Variants in CD320 observed in about 807,000 individuals in gnomAD.
CD320 encodes the protein CD320 molecule.
In CD320, 16 loss-of-function variants were observed where a neutral mutation model predicts 22.1. The observed-to-expected ratio is 0.73, with a 90% confidence interval of 0.49 to 1.10. The LOEUF (loss-of-function observed/expected upper bound fraction) is 1.10. CD320 is among the 50% of genes least tolerant of loss of function. The pLI, the probability that CD320 is intolerant of heterozygous loss-of-function variation, is 0.00. For missense variants in CD320, 388 were observed against 376.9 expected (o/e 1.03, Z -0.24); for synonymous variants, 188 against 167.8 (o/e 1.12, Z -0.93).
In CD320 at chr19:8,305,202, CTTT is replaced by C. The variant is rs1322619872; in HGVS notation, c.143-49_143-47del. ...AAGCCTGGGAAGCTGGAGGCTGGAC[CTTT>C]CTCCAAGAGCACAGTAGTCACTGGC... On this transcript the variant is annotated intron_variant, in intron 1 of 4. Coordinates refer to ENST00000301458, the MANE Select transcript of CD320 (RefSeq NM_016579.4). The C allele has an allele frequency of 3.9e-6, 6 of 1,553,048 alleles. 1 individual carries two copies. The South Asian group carries it at 7.1e-5, about 18-fold the overall frequency.
At chr19:8,307,598 G>A (rs1970110911) in intron 1 of CD320, among the ~76,000 whole-genome samples, 1 of 152,110 alleles carries the variant, frequency 6.6e-6, no homozygotes. Context: ...ACGTCCACGG[G>A]GGTATATTCA....
Position 8,303,224 on chromosome 19 carries a change from A to C in CD320, c.503-244T>G, listed in dbSNP as rs7245991. The stretch of plus-strand genomic sequence containing the variant: ...CTCTGCCTCCTGAGTTCAAACAATT[A>C]TCCTGTCTTAGCCTCCCGAGTAGCT... On this transcript the variant is annotated intron_variant, in intron 3 of 4. Coordinates refer to ENST00000301458, the MANE Select transcript of CD320 (RefSeq NM_016579.4). Among the ~76,000 whole-genome samples the C allele has an allele frequency of 0.12, 17,258 of 147,394 alleles. 2,011 individuals carry two copies. The highest frequency in any genetic ancestry group is 0.31 in the African/African-American group (12,450 of 40,170).
In CD320 at chr19:8,302,299, A is replaced by C; in HGVS notation, c.*164T>G. The C allele has an allele frequency of 1.1e-6, 1 of 869,798 alleles. No individual in the cohort carries two copies. Among genetic ancestry groups the C allele is most frequent in the East Asian group, 2.5e-5 (1 of 40,318 alleles). The allele number at this position is 869,798 out of a possible 1,614,324, so 53.9% of individuals were successfully genotyped here. On this transcript the variant is annotated 3_prime_UTR_variant, in exon 5 of 5. Coordinates refer to ENST00000301458, the MANE Select transcript of CD320 (RefSeq NM_016579.4). ...CCATAGGGAGTGTCCAGGGACCCTC[A>C]ATCTCCAGGGCCACTTCTGCAGGAG...
intron 1 of CD320, 90 bp downstream of exon 1, chr19:8,308,059 G>T (rs1970120380): frequency 4.0e-6 from 5 of 1,250,290 alleles, no homozygotes; most frequent in Non-Finnish European, 5.3e-6. Flanking sequence ...ACTGACGTGC[G>T]GTGCAGCCAG....
intron 1 of CD320, chr19:8,305,578 C>T (rs1413677653): frequency 1.8e-5 from 4 of 217,456 alleles, no homozygotes; most frequent in Non-Finnish European, 2.8e-5. Flanking sequence ...TGGTAGTGCA[C>T]GCCTGTAATG....
chr19:8,304,982 C>A, intron 2 of CD320, 49 bp downstream of exon 2: 1 of 1,595,434 alleles, frequency 6.3e-7, no homozygotes, highest in Non-Finnish European at 8.5e-7. Flanking sequence ...GACAAACCAC[C>A]CTCAGGCCCC....
At chr19:8,305,445 C>T (rs1295562002) in intron 1 of CD320, 2 of 371,114 alleles carry the variant, frequency 5.4e-6, no homozygotes, top group East Asian at 1.3e-4. Flanking sequence ...CAGTGGCTCA[C>T]GCCTGTAATC....
intron 3 of CD320, 143 bp downstream of exon 3, chr19:8,303,712 G>T: frequency 3.0e-6 from 2 of 662,182 alleles, no homozygotes; most frequent in South Asian, 1.7e-5. Context: ...ACCGGGCCCG[G>T]CCCCTAATGA....
chr19:8,306,784 C>T (rs1210808391), intron 1 of CD320, among the ~76,000 whole-genome samples: 1 of 152,204 alleles, frequency 6.6e-6, no homozygotes, highest in Non-Finnish European at 1.5e-5. Context: ...GGCTCTCCAC[C>T]CAGGCGCAGA....
intron 3 of CD320, among the ~76,000 whole-genome samples, chr19:8,303,336 C>G (rs950800238): frequency 6.6e-6 from 1 of 151,680 alleles, no homozygotes; most frequent in African/African-American, 2.4e-5. Context: ...AGACTGGTCT[C>G]GAACACCTCA....
intron 3 of CD320, 89 bp downstream of exon 3, chr19:8,303,766 G>A: frequency 1.2e-6 from 1 of 861,710 alleles, no homozygotes; most frequent in Non-Finnish European, 1.9e-6. Context: ...GCAAAGGCAT[G>A]TGTCCACGCC....
intron 1 of CD320, 29 bp downstream of exon 1, chr19:8,308,120 G>T: frequency 6.8e-7 from 1 of 1,468,650 alleles, no homozygotes; most frequent in African/African-American, 1.5e-5. Context: ...CGCGAGGGGT[G>T]GGAGCCCGCG....
chr19:8,303,053 A>C, intron 3 of CD320, 73 bp from the exon 4 acceptor site: 1 of 1,311,044 alleles, frequency 7.6e-7, no homozygotes, highest in Non-Finnish European at 1.1e-6. Context: ...TGCCCAGGGG[A>C]GCCCTTGGGG....
Position 8,305,026 on chromosome 19 carries a change from C to A in CD320, c.268+5G>T. 6.2e-7 allele frequency: 1 copy of A among 1,605,538 alleles called. No homozygotes were observed. Among genetic ancestry groups the A allele is most frequent in the Non-Finnish European group, 8.5e-7 (1 of 1,179,716 alleles). On this transcript the variant is annotated splice_donor_5th_base_variant and intron_variant, in intron 2 of 4. Transcript: ENST00000301458. ...TAAGCCCCGCCAAGGGGCGTGGCCA[C>A]TCACTGCACTCCTCCTCATCGCTGC...
In CD320 at chr19:8,304,107, C is replaced by A; in HGVS notation, c.269-19G>T. On this transcript the variant is annotated intron_variant, in intron 2 of 4. Transcript: ENST00000301458. ...TCAATCCCTGGGGCACAGGGTTGGT[C>A]AGGTCCCAAATGCCCACCCAAGAAG... 1 of 1,373,658 alleles carries A rather than the reference C, an allele frequency of 7.3e-7. No individual in the cohort carries two copies. The highest frequency in any genetic ancestry group is 1.2e-5 in the South Asian group (1 of 80,622). 85.1% of individuals were successfully genotyped at this position (1,373,658 alleles called of 1,614,324 possible). A position where few individuals can be genotyped will look rare whatever the true frequency, so the allele number is the denominator to read the frequency against.
intron 1 of CD320, among the ~76,000 whole-genome samples, chr19:8,307,650 G>C (rs61641927): frequency 0.039 from 5,988 of 152,270 alleles, 404 homozygotes; most frequent in African/African-American, 0.14. Context: ...AGTAGCATGG[G>C]GGGGAGAGAC....
Position 8,302,150 on chromosome 19 carries a change from G to A in CD320, c.*313C>T, listed in dbSNP as rs1599620218. On this transcript the variant is annotated 3_prime_UTR_variant, in exon 5 of 5. Coordinates refer to ENST00000301458, the MANE Select transcript of CD320 (RefSeq NM_016579.4). ...CGGAGGATGTGAAGCAACTTTAATTGCCACCCTCAGACGGGGCAGCAGGAG... is the reference window on the plus strand; with the variant it reads ...CGGAGGATGTGAAGCAACTTTAATTACCACCCTCAGACGGGGCAGCAGGAG... 1.9e-6 allele frequency: 1 copy of A among 527,074 alleles called. No homozygotes were observed. The highest frequency in any genetic ancestry group is 1.6e-5 in the South Asian group (1 of 63,512). 32.6% of individuals were successfully genotyped at this position (527,074 alleles called of 1,614,324 possible).
chr19:8,307,858 G>A (rs558615207), intron 1 of CD320, among the ~76,000 whole-genome samples: 7 of 152,282 alleles, frequency 4.6e-5, no homozygotes, highest in South Asian at 2.1e-4. Context: ...TATGAAGGGC[G>A]GCTTGGAGGT....
At chr19:8,302,714 A>G (rs574401407) in intron 4 of CD320, 63 bp downstream of exon 4, 12 of 1,604,716 alleles carry the variant, frequency 7.5e-6, no homozygotes, top group African/African-American at 1.3e-5. Flanking sequence ...ATCCCTCCCC[A>G]CCCACCTCCC....
Sources: gnomAD v4.1 joint callset for allele counts (sites outside exome capture counted in the v4.1 genomes callset) on GRCh38, gnomAD v4.1.1 for gene constraint, MANE v1.5 for transcripts, NCBI Gene and HGNC (gene_info 2026-07-23, HGNC 2026-07-21) for gene names.